Variants in COL6A6 observed in about 807,000 individuals in gnomAD.
COL6A6 encodes collagen alpha-6(VI) chain.
Under a neutral mutation model 208.6 loss-of-function variants are expected in COL6A6, and 183 were observed. The observed-to-expected ratio is 0.88, with a 90% CI of 0.78 to 0.99. COL6A6 has a LOEUF of 0.99. Ranked by LOEUF, COL6A6 falls within the 50% of genes least tolerant of loss-of-function variation. COL6A6 has a pLI of 0.00. For synonymous variants in COL6A6, 973 were observed against 1,011.8 expected (o/e 0.96, Z 0.73); for missense variants, 2,816 against 2,815.2 (o/e 1.00, Z -0.01).
intron 12 of COL6A6, among the ~76,000 whole-genome samples, chr3:130,590,705 C>G (rs1006544646): frequency 6.6e-6 from 1 of 151,842 alleles, no homozygotes; most frequent in African/African-American, 2.4e-5. Context: ...GTAGCTGGGA[C>G]CACAGGCACC....
rs746637496 is a variant in COL6A6 at position 130,565,448 on chromosome 3, C to A, written c.1116C>A (p.Asp372Glu). ...CCCTGGGCATAGAGGGCGCCAGCGA[C>A]ACCCAGTTGGAAAAGATAGCATCCC... ...IFTLGIEGAS[D>E]TQLEKIASHP... Residue 372 changes from aspartate to glutamate, a missense_variant, in exon 4 of 37, where the codon GAC (aspartate) becomes GAA (glutamate). By Grantham distance (45) the Asp-to-Glu change is conservative. Coordinates refer to ENST00000358511, the MANE Select transcript of COL6A6 (RefSeq NM_001102608.3). The A allele has an allele frequency of 4.3e-4, 687 of 1,613,818 alleles. No homozygotes were observed. Among genetic ancestry groups the A allele is most frequent in the Non-Finnish European group, 5.7e-4 (667 of 1,179,852 alleles).
rs373136353 is a variant in COL6A6 at position 130,599,759 on chromosome 3, C to G, written c.4602C>G (p.Gly1534=). ...TGLKGERGRQ[G]RRGWPGPPGT... ...ACATCTGTCTGTTCCTTTGACAGGG[C>G]AGAAGAGGCTGGCCAGGCCCCCCCG... Residue 1534 remains glycine, a splice_region_variant and synonymous_variant, in exon 20 of 37, where the codon GGC becomes GGG. Transcript: ENST00000358511. 1 of 1,613,552 alleles carries G rather than the reference C, an allele frequency of 6.2e-7. No homozygotes were observed. Among genetic ancestry groups the G allele is most frequent in the Non-Finnish European group, 8.5e-7 (1 of 1,179,718 alleles).
rs557572842 is a variant in COL6A6 at position 130,613,608 on chromosome 3, T to C, written c.4815+2897T>C. Among the ~76,000 whole-genome samples, 4 of 152,342 alleles carry C rather than the reference T, an allele frequency of 2.6e-5. No homozygotes were observed. The East Asian group carries it at 5.8e-4, about 22-fold the overall frequency. On this transcript the variant is annotated intron_variant, in intron 23 of 36. Transcript: ENST00000358511. ...AATCTGTAAACTGCTTTGGGCAGCA[T>C]GGCCATTTTAACAACATTGATTCTT...
At chr3:130,642,931 C>G in intron 30 of COL6A6, 56 bp from the exon 31 acceptor site, 1 of 1,612,876 alleles carries the variant, frequency 6.2e-7, no homozygotes. Flanking sequence ...TATTTTTAAA[C>G]CTCAGGGCCT....
chr3:130,605,636 A>C (rs947094004), intron 20 of COL6A6, among the ~76,000 whole-genome samples: 2 of 152,198 alleles, frequency 1.3e-5, no homozygotes, highest in Non-Finnish European at 2.9e-5. Flanking sequence ...TGTAAAAATA[A>C]AATAAAGACT....
intron 10 of COL6A6, among the ~76,000 whole-genome samples, chr3:130,584,880 A>T (rs958299548): frequency 6.6e-6 from 1 of 151,926 alleles, no homozygotes; most frequent in Non-Finnish European, 1.5e-5. Flanking sequence ...TCCCAGAGTG[A>T]TGGGATTACA....
intron 1 of COL6A6, among the ~76,000 whole-genome samples, chr3:130,547,958 T>A (rs1201241529): frequency 6.6e-6 from 1 of 152,180 alleles, no homozygotes; most frequent in Non-Finnish European, 1.5e-5. Context: ...CCATCATGTC[T>A]GACTAAATTT....
intron 23 of COL6A6, among the ~76,000 whole-genome samples, chr3:130,616,910 G>A (rs2064546231): frequency 6.6e-6 from 1 of 152,086 alleles, no homozygotes; most frequent in Non-Finnish European, 1.5e-5. Flanking sequence ...CTACCTCATT[G>A]GATTGTTGTG....
Position 130,635,687 on chromosome 3 carries a change from A to G in COL6A6, c.5029-12A>G. On this transcript the variant is annotated splice_polypyrimidine_tract_variant and intron_variant, in intron 27 of 36. Transcript: ENST00000358511. ...ATTTTAATAACTATTTTACTTTAAT[A>G]AATGTATTTAGGGTGAGATTGGGGA... 6.3e-7 allele frequency: 1 copy of G among 1,581,336 alleles called. No homozygotes were observed. Among genetic ancestry groups the G allele is most frequent in the Non-Finnish European group, 8.7e-7 (1 of 1,153,298 alleles).
At chr3:130,540,794 A>G (rs2062344901) in intron 1 of COL6A6, among the ~76,000 whole-genome samples, 1 of 152,278 alleles carries the variant, frequency 6.6e-6, no homozygotes, top group South Asian at 2.1e-4. Flanking sequence ...TGCTGAGGAT[A>G]GTGACTTCCA....
intron 8 of COL6A6, among the ~76,000 whole-genome samples, chr3:130,579,372 T>C (rs1490646152): frequency 1.3e-5 from 2 of 152,190 alleles, no homozygotes; most frequent in Non-Finnish European, 2.9e-5. Context: ...ACAAGAAAAT[T>C]AATGCCCAGA....
intron 1 of COL6A6, among the ~76,000 whole-genome samples, chr3:130,525,815 C>G (rs2061949873): frequency 6.6e-6 from 1 of 152,148 alleles, no homozygotes; most frequent in Admixed American, 6.5e-5. Context: ...CAGCTATCCT[C>G]CCTTCCTGGA....
chr3:130,659,517 C>T (rs552752933), intron 34 of COL6A6, among the ~76,000 whole-genome samples: 1 of 152,292 alleles, frequency 6.6e-6, no homozygotes, highest in African/African-American at 2.4e-5. Flanking sequence ...GCTTATGTTC[C>T]AAGCACTGTT....
At chr3:130,619,665 T>C (rs879590047) in intron 23 of COL6A6, among the ~76,000 whole-genome samples, 1 of 152,076 alleles carries the variant, frequency 6.6e-6, no homozygotes, top group Non-Finnish European at 1.5e-5. Context: ...TTAGGCAGGA[T>C]GCAAGATGGG....
chr3:130,579,992 T>G (rs186096775), intron 8 of COL6A6, among the ~76,000 whole-genome samples: 43 of 152,370 alleles, frequency 2.8e-4, no homozygotes, highest in African/African-American at 1.0e-3. Context: ...TAAATAAGTT[T>G]GTACGTTCAG....
rs202216308 is a variant in COL6A6 at position 130,594,325 on chromosome 3, G to A, written c.4515G>A (p.Lys1505=). The change falls in exon 18 of 37, where the codon AAG becomes AAA. Residue 1505 remains lysine (K), a synonymous_variant. Coordinates refer to ENST00000358511, the MANE Select transcript of COL6A6 (RefSeq NM_001102608.3). ...GGACTCCTGGTGACCGTGGAGCAAA[G>A]GGCCTGCGAGGGGATCCCGTAAGTG... ...KRGTPGDRGA[K]GLRGDPGAPG... 1.3e-4 allele frequency: 204 copies of A among 1,613,316 alleles called. No homozygotes were observed. In the African/African-American group the frequency reaches 2.0e-3, roughly 16 times the overall value.
rs1332097684 is a variant in COL6A6, at chr3:130,675,290, G to A, written c.6685G>A (p.Val2229Ile). 4.4e-6 allele frequency: 7 copies of A among 1,589,858 alleles called. No individual in the cohort carries two copies. The highest frequency in any genetic ancestry group is 1.3e-5 in the African/African-American group (1 of 74,658). ...FFQDKKYLSR[V>I]ARSGRDDAIQ... ...TCAAGATAAAAAATATCTTTCAAGA[G>A]TAGCAAGAAGTGGCAGAGATGATGC... The change falls in exon 37 of 37, where the codon GTA becomes ATA. Residue 2229 changes from valine (V) to isoleucine (I), a missense_variant. Transcript: ENST00000358511.
chr3:130,596,303 A>T (rs571915788), intron 18 of COL6A6, among the ~76,000 whole-genome samples: 1 of 152,342 alleles, frequency 6.6e-6, no homozygotes, highest in Non-Finnish European at 1.5e-5. Context: ...TTATCCATAT[A>T]TGATGACCAA....
intron 7 of COL6A6, among the ~76,000 whole-genome samples, chr3:130,573,249 A>G (rs1370947146): frequency 6.6e-6 from 1 of 152,162 alleles, no homozygotes; most frequent in Non-Finnish European, 1.5e-5. Context: ...TTGAATCCCT[A>G]AATGTATGTG....
Sources: allele counts gnomAD v4.1 joint callset (sites outside exome capture counted in the v4.1 genomes callset), GRCh38; gene constraint gnomAD v4.1.1; transcripts MANE v1.5; gene names NCBI Gene and HGNC (gene_info 2026-07-23, HGNC 2026-07-21).